Variants in AOX1 observed in about 807,000 individuals in gnomAD.
AOX1 encodes the protein aldehyde oxidase.
In AOX1, 153 loss-of-function variants were observed where a neutral mutation model predicts 169.5. The observed-to-expected ratio is 0.90, with a 90% CI of 0.79 to 1.03. AOX1 has a LOEUF of 1.03. Among genes scored for constraint, AOX1 ranks in the 50% least tolerant of loss-of-function variants. AOX1 has a pLI of 0.00. For synonymous variants in AOX1, 562 were observed against 581.9 expected, an observed-to-expected ratio of 0.97 and a Z score of 0.49; for missense variants, 1,656 against 1,663.9, an observed-to-expected ratio of 1.00 and a Z score of 0.08.
intron 1 of AOX1, among the ~76,000 whole-genome samples, chr2:200,587,349 T>G (rs1430834886): frequency 6.6e-6 from 1 of 152,142 alleles, no homozygotes; most frequent in African/African-American, 2.4e-5. Context: ...ATTTCCCTGG[T>G]GCTCGTGTTG....
At chr2:200,662,169 G>A (rs2105770719) in intron 30 of AOX1, among the ~76,000 whole-genome samples, 1 of 152,296 alleles carries the variant, frequency 6.6e-6, no homozygotes, top group South Asian at 2.1e-4. Flanking sequence ...GTGATGTAGA[G>A]CCTTACCTGG....
intron 16 of AOX1, among the ~76,000 whole-genome samples, chr2:200,618,980 G>T (rs2034825703): frequency 6.6e-6 from 1 of 152,184 alleles, no homozygotes; most frequent in South Asian, 2.1e-4. Flanking sequence ...AGGAAACCCT[G>T]CAGTGAAGAG....
At chr2:200,635,890 A>G (rs2035219581) in intron 21 of AOX1, among the ~76,000 whole-genome samples, 1 of 152,040 alleles carries the variant, frequency 6.6e-6, no homozygotes, top group Non-Finnish European at 1.5e-5. Flanking sequence ...AAAAGGCAGG[A>G]TCCTAAAGAG....
Position 200,666,769 on chromosome 2 carries a change from T to C in AOX1, c.3609+17T>C. The C allele has an allele frequency of 6.3e-7, 1 of 1,597,204 alleles. No homozygotes were observed. The highest frequency in any genetic ancestry group is 8.5e-7 in the Non-Finnish European group (1 of 1,171,556). On this transcript the variant is annotated intron_variant, in intron 32 of 34. Transcript: ENST00000374700. ...ATAGGCCAGGTACGTGTAACTGATG[T>C]GTCTCACTTTCTATTTGTAAAAGCC...
At chr2:200,646,569 T>C (rs976151758) in intron 25 of AOX1, among the ~76,000 whole-genome samples, 9 of 152,162 alleles carry the variant, frequency 5.9e-5, no homozygotes, top group Admixed American at 1.3e-4. Flanking sequence ...TATATCTGTT[T>C]AGTCCATTTG....
At chr2:200,669,498 C>T in intron 33 of AOX1, 77 bp from the exon 34 acceptor site, 2 of 1,441,606 alleles carry the variant, frequency 1.4e-6, no homozygotes, top group African/African-American at 1.4e-5. Flanking sequence ...TTTATATATG[C>T]ACATATGCTA....
chr2:200,661,957 GATCTATCTCT>G (rs1378223526), intron 30 of AOX1, among the ~76,000 whole-genome samples: 1 of 152,052 alleles, frequency 6.6e-6, no homozygotes, highest in Non-Finnish European at 1.5e-5. Flanking sequence ...TTGAAAACAC[GATCTATCTCT>G]TAAGAAACAA....
intron 1 of AOX1, among the ~76,000 whole-genome samples, chr2:200,588,726 C>CTTTTTTTTTTCTTTTTTT (rs2034096771): frequency 5.6e-5 from 3 of 53,986 alleles, no homozygotes; most frequent in African/African-American, 1.8e-4. Flanking sequence ...CTAGAATAAG[C>CTTTTTTTTTTCTTTTTTT]TTTTTTTTTT....
At chr2:200,657,218 A>G (rs2035715130) in intron 27 of AOX1, among the ~76,000 whole-genome samples, 1 of 115,536 alleles carries the variant, frequency 8.7e-6, no homozygotes, top group Admixed American at 9.3e-5. Context: ...TTAGCAGGGC[A>G]TGGTGGCATG....
At chr2:200,616,228 A>G (rs2034755490) in intron 16 of AOX1, among the ~76,000 whole-genome samples, 165 bp downstream of exon 16, 1 of 152,234 alleles carries the variant, frequency 6.6e-6, no homozygotes, top group African/African-American at 2.4e-5. Flanking sequence ...AAATCAATGA[A>G]GAATTTGATT....
intron 20 of AOX1, among the ~76,000 whole-genome samples, chr2:200,630,551 G>GAAGGA (rs1553572633): frequency 2.4e-5 from 1 of 41,474 alleles, no homozygotes; most frequent in Non-Finnish European, 4.7e-5. Context: ...AGGAAGGGAG[G>GAAGGA]AAGGAAGGAA....
intron 25 of AOX1, among the ~76,000 whole-genome samples, chr2:200,646,363 T>C (rs1191507104): frequency 2.6e-5 from 4 of 152,194 alleles, no homozygotes; most frequent in African/African-American, 9.6e-5. Flanking sequence ...TGTATTTGCA[T>C]GGTTCTGAAG....
downstream of AOX1, among the ~76,000 whole-genome samples, chr2:200,675,672 CAATGT>C (rs1043268776): frequency 6.6e-5 from 10 of 152,032 alleles, no homozygotes; most frequent in African/African-American, 2.4e-4. Context: ...AAATTAAAAA[CAATGT>C]AATGTAAATC....
rs2034573603 is a variant in AOX1, at chr2:200,609,018, G to C, written c.942G>C (p.Gln314His). 6.2e-7 allele frequency: 1 copy of C among 1,613,986 alleles called. No individual in the cohort carries two copies. Among genetic ancestry groups the C allele is most frequent in the Admixed American group, 1.7e-5 (1 of 59,978 alleles). Residue 314 changes from glutamine to histidine, a missense_variant, in exon 11 of 35, where the codon CAG (glutamine) becomes CAC (histidine). Gln to His is a conservative substitution (Grantham distance 24). Transcript: ENST00000374700. ...LTLGAGLSLA[Q>H]VKDILADVVQ... Reference sequence around the variant, plus strand: ...TTGGTGCTGGTCTCAGCCTAGCCCAGGTGAAGGACATTTTGGCTGATGTAG... The same window carrying C: ...TTGGTGCTGGTCTCAGCCTAGCCCACGTGAAGGACATTTTGGCTGATGTAG...
At chr2:200,673,505 C>A (rs143398871), downstream of AOX1, among the ~76,000 whole-genome samples, 330 of 152,316 alleles carry the variant, frequency 2.2e-3, 4 homozygotes, top group African/African-American at 7.6e-3. Context: ...CTCTTTATTT[C>A]CATAGCCTCT....
At chr2:200,652,565 G>A (rs568069822) in intron 26 of AOX1, among the ~76,000 whole-genome samples, 2 of 152,320 alleles carry the variant, frequency 1.3e-5, no homozygotes, top group East Asian at 1.9e-4. Flanking sequence ...GTCAGCTGGG[G>A]CTGTCTGTCC....
At chr2:200,606,688 G>A (rs561779095) in intron 10 of AOX1, among the ~76,000 whole-genome samples, 18 of 152,250 alleles carry the variant, frequency 1.2e-4, no homozygotes, top group Non-Finnish European at 1.9e-4. Flanking sequence ...TTCCTGAAGA[G>A]GTCCTTAACA....
intron 18 of AOX1, among the ~76,000 whole-genome samples, chr2:200,622,886 A>G (rs1032753412): frequency 6.6e-5 from 10 of 152,196 alleles, no homozygotes; most frequent in African/African-American, 2.4e-4. Context: ...GGAAAGTATT[A>G]TACAATGAAC....
At chr2:200,611,528 C>T in intron 13 of AOX1, 35 bp downstream of exon 13, 1 of 1,322,598 alleles carries the variant, frequency 7.6e-7, no homozygotes, top group Non-Finnish European at 1.1e-6. Flanking sequence ...CCCAGTTGCA[C>T]CTGTGATGCT....
Sources: gnomAD v4.1 joint callset for allele counts (sites outside exome capture counted in the v4.1 genomes callset) on GRCh38, gnomAD v4.1.1 for gene constraint, MANE v1.5 for transcripts, NCBI Gene and HGNC (gene_info 2026-07-23, HGNC 2026-07-21) for gene names.